Variants in LGSN observed in about 807,000 individuals in gnomAD.
The protein encoded by LGSN is lengsin, lens protein with glutamine synthetase domain, also known as lengsin.
Under a neutral mutation model 19.5 loss-of-function variants are expected in LGSN, and 21 were observed. That is an observed-to-expected ratio of 1.07 (90% CI 0.76 to 1.55). LGSN has a LOEUF of 1.55. Ranked by LOEUF, LGSN falls within the 40% of genes most tolerant of loss-of-function variation. The pLI is 0.00. For missense variants in LGSN, 673 were observed against 608.5 expected, an observed-to-expected ratio of 1.11 and a Z score of -1.12; for synonymous variants, 257 against 215.6, an observed-to-expected ratio of 1.19 and a Z score of -1.68.
the LGSN span, among the ~76,000 whole-genome samples, chr6:63,456,080 A>C: frequency 1.3e-5 from 2 of 150,596 alleles, no homozygotes; most frequent in Admixed American, 1.3e-4. Flanking sequence ...ATACAAAAAA[A>C]TTAGCCAGGT....
At chr6:63,433,575 T>C in the LGSN span, among the ~76,000 whole-genome samples, 7 of 152,242 alleles carry the variant, frequency 4.6e-5, no homozygotes, top group Non-Finnish European at 1.0e-4. Context: ...GTCTCATAAC[T>C]AGAAGTATCT....
the LGSN span, among the ~76,000 whole-genome samples, chr6:63,446,248 A>C: frequency 6.6e-6 from 1 of 150,492 alleles, no homozygotes; most frequent in Non-Finnish European, 1.5e-5. Context: ...TGTCTCAAAA[A>C]AAAAAAAAAA....
chr6:63,547,498 AT>A, the LGSN span, among the ~76,000 whole-genome samples: 2,629 of 90,798 alleles, frequency 0.029, 24 homozygotes, highest in Non-Finnish European at 0.037. Flanking sequence ...CCAGGGGGGA[AT>A]TTTTTTTTTT....
At chr6:63,496,244 G>A in the LGSN span, among the ~76,000 whole-genome samples, 1 of 152,160 alleles carries the variant, frequency 6.6e-6, no homozygotes, top group Admixed American at 6.5e-5. Context: ...TAATTTATAA[G>A]GCTATTTAAC....
the LGSN span, among the ~76,000 whole-genome samples, chr6:63,502,053 G>A: frequency 6.6e-6 from 1 of 152,258 alleles, no homozygotes; most frequent in South Asian, 2.1e-4. Flanking sequence ...TCCCACTTTG[G>A]CCTCCCAAAA....
chr6:63,496,576 T>C, the LGSN span, among the ~76,000 whole-genome samples: 1 of 151,026 alleles, frequency 6.6e-6, no homozygotes, highest in Non-Finnish European at 1.5e-5. Context: ...GCAACAGTTA[T>C]AAAGTGTTTA....
the LGSN span, among the ~76,000 whole-genome samples, chr6:63,405,255 A>G: frequency 6.6e-6 from 1 of 151,882 alleles, no homozygotes; most frequent in African/African-American, 2.4e-5. Flanking sequence ...GAATAGTGCC[A>G]CAATAAACAT....
At chr6:63,522,812 T>C in the LGSN span, among the ~76,000 whole-genome samples, 1 of 151,930 alleles carries the variant, frequency 6.6e-6, no homozygotes, top group Non-Finnish European at 1.5e-5. Flanking sequence ...CCATGTAAAG[T>C]GACTCAGACT....
At chr6:63,300,333 A>G (rs1768136603) in intron 1 of LGSN, among the ~76,000 whole-genome samples, 1 of 152,190 alleles carries the variant, frequency 6.6e-6, no homozygotes, top group African/African-American at 2.4e-5. Flanking sequence ...TATTTTTTCA[A>G]AATTATTTTC....
At chr6:63,446,998 G>A in the LGSN span, among the ~76,000 whole-genome samples, 3 of 152,170 alleles carry the variant, frequency 2.0e-5, no homozygotes, top group African/African-American at 4.8e-5. Flanking sequence ...GCAGTGAGCC[G>A]AGATCGTGCC....
chr6:63,560,432 C>T, the LGSN span, among the ~76,000 whole-genome samples: 1 of 144,472 alleles, frequency 6.9e-6, no homozygotes, highest in African/African-American at 2.6e-5. Flanking sequence ...GACAGAGTCT[C>T]ATTCTGTTGG....
the LGSN span, among the ~76,000 whole-genome samples, chr6:63,520,553 G>A: frequency 1.3e-4 from 19 of 151,954 alleles, no homozygotes; most frequent in East Asian, 3.7e-3. Context: ...CTTGAACCAG[G>A]GAGGCAGACA....
At chr6:63,408,355 G>C in the LGSN span, among the ~76,000 whole-genome samples, 1 of 148,570 alleles carries the variant, frequency 6.7e-6, no homozygotes, top group East Asian at 2.0e-4. Flanking sequence ...GAACAGAACA[G>C]AGCCCTCAGA....
chr6:63,407,909 T>C, the LGSN span, among the ~76,000 whole-genome samples: 3 of 152,208 alleles, frequency 2.0e-5, no homozygotes, highest in African/African-American at 4.8e-5. Context: ...AGCCAAATCA[T>C]GAGTGAACTC....
the LGSN span, among the ~76,000 whole-genome samples, chr6:63,370,604 A>G: frequency 2.0e-5 from 3 of 152,232 alleles, no homozygotes; most frequent in African/African-American, 7.2e-5. Context: ...CTGCCTACGC[A>G]TCTATCCAGG....
the LGSN span, among the ~76,000 whole-genome samples, chr6:63,555,007 CAT>C: frequency 8.9e-4 from 135 of 152,322 alleles, no homozygotes; most frequent in Admixed American, 7.6e-3. Context: ...TTTCTGATAA[CAT>C]GTGGCTGATA....
chr6:63,336,070 G>A, the LGSN span, among the ~76,000 whole-genome samples: 1 of 152,102 alleles, frequency 6.6e-6, no homozygotes, highest in African/African-American at 2.4e-5. Context: ...AAACTGGTAA[G>A]ATTGAGTGGG....
At chr6:63,520,814 G>T in the LGSN span, among the ~76,000 whole-genome samples, 2 of 152,000 alleles carry the variant, frequency 1.3e-5, no homozygotes, top group Non-Finnish European at 2.9e-5. Flanking sequence ...GTAAACAGGT[G>T]GTAAAGAGAT....
chr6:63,541,050 GAA>G, the LGSN span, among the ~76,000 whole-genome samples: 81 of 148,230 alleles, frequency 5.5e-4, 1 homozygote, highest in Admixed American at 4.6e-3. Context: ...AGGAAGGAAG[GAA>G]GGAAGGGAGG....
Sources: gnomAD v4.1 joint callset for allele counts (sites outside exome capture counted in the v4.1 genomes callset) on GRCh38, gnomAD v4.1.1 for gene constraint, MANE v1.5 for transcripts, NCBI Gene and HGNC (gene_info 2026-07-23, HGNC 2026-07-21) for gene names.